Variants in TMEM47 observed in about 807,000 individuals in gnomAD.
TMEM47 encodes brain cell membrane protein 1.
TMEM47 carries 3 observed loss-of-function variants against 12.4 expected under a neutral mutation model. That is an observed-to-expected ratio of 0.24 (90% CI 0.11 to 0.63). TMEM47 has a LOEUF of 0.63. Ranked by LOEUF, TMEM47 falls within the 20% of genes least tolerant of loss-of-function variation. The pLI is 0.86. For synonymous variants in TMEM47, 62 were observed against 63.3 expected, an observed-to-expected ratio of 0.98 and a Z score of 0.10; for missense variants, 89 against 143.8, an observed-to-expected ratio of 0.62 and a Z score of 1.95.
At chrX:34,645,981 GC>G (rs1921904132) in intron 1 of TMEM47, among the ~76,000 whole-genome samples, 1 of 111,103 alleles carries the variant, frequency 9.0e-6, no homozygotes, top group African/African-American at 3.3e-5. Flanking sequence ...GATAAAGACT[GC>G]CTCCAAAGTA....
At chrX:34,650,837 G>T (rs939977313) in intron 1 of TMEM47, among the ~76,000 whole-genome samples, 3 of 111,750 alleles carry the variant, frequency 2.7e-5, no homozygotes, top group African/African-American at 9.8e-5. Context: ...AGGTTCTCGA[G>T]TTCATTCCAT....
At chrX:34,639,507 T>A (rs1042023204) in intron 1 of TMEM47, 120 bp from the exon 2 acceptor site, 11 of 714,644 alleles carry the variant, frequency 1.5e-5, no homozygotes, top group Non-Finnish European at 2.2e-5. Context: ...ATGCTAAGCA[T>A]CCTTTGGGGT....
chrX:34,636,809 T>TA (rs1327865342), intron 2 of TMEM47, among the ~76,000 whole-genome samples: 1 of 111,475 alleles, frequency 9.0e-6, no homozygotes, highest in Non-Finnish European at 1.9e-5. Flanking sequence ...TAACTGGAGT[T>TA]ACAGGACGGA....
At chrX:34,640,409 T>A (rs1921795293) in intron 1 of TMEM47, among the ~76,000 whole-genome samples, 2 of 112,125 alleles carry the variant, frequency 1.8e-5, no homozygotes, top group African/African-American at 6.5e-5. Flanking sequence ...AATAGTATGA[T>A]GAAAAACTGG....
chrX:34,631,140 C>T (rs1334718150), intron 2 of TMEM47, among the ~76,000 whole-genome samples: 2 of 86,744 alleles, frequency 2.3e-5, no homozygotes, highest in Admixed American at 1.4e-4. Context: ...CACTGCACTC[C>T]AGCCTGGGCG....
intron 2 of TMEM47, among the ~76,000 whole-genome samples, chrX:34,630,819 C>G (rs1921603017): frequency 9.1e-6 from 1 of 109,706 alleles, no homozygotes; most frequent in Non-Finnish European, 1.9e-5. Context: ...ATTATTATGG[C>G]AAGTAGTACT....
intron 2 of TMEM47, among the ~76,000 whole-genome samples, chrX:34,630,795 ATATAAT>A (rs1206072975): frequency 3.6e-5 from 4 of 110,675 alleles, no homozygotes; most frequent in Non-Finnish European, 5.7e-5. Flanking sequence ...CACCTTAAAA[ATATAAT>A]TATCATTATT....
intron 1 of TMEM47, among the ~76,000 whole-genome samples, chrX:34,648,106 A>C (rs1921946604): frequency 8.9e-6 from 1 of 112,330 alleles, no homozygotes. Context: ...CAATAGCATT[A>C]ACATGGCCAT....
At chrX:34,654,531 AT>A (rs1331661900) in intron 1 of TMEM47, among the ~76,000 whole-genome samples, 21 of 112,022 alleles carry the variant, frequency 1.9e-4, no homozygotes, top group South Asian at 1.5e-3. Flanking sequence ...TGATTCGGGC[AT>A]TCCCCTTCCT....
chrX:34,651,548 T>C (rs898192436), intron 1 of TMEM47, among the ~76,000 whole-genome samples: 1 of 112,347 alleles, frequency 8.9e-6, no homozygotes, highest in Non-Finnish European at 1.9e-5. Context: ...ACAGAATTCA[T>C]GAGTATAATA....
chrX:34,636,496 A>C (rs1369503337), intron 2 of TMEM47, among the ~76,000 whole-genome samples: 1 of 112,163 alleles, frequency 8.9e-6, no homozygotes, highest in Non-Finnish European at 1.9e-5. Flanking sequence ...TTCCTGTGGG[A>C]CATACAAATG....
At chrX:34,636,984 T>G (rs1462646561) in intron 2 of TMEM47, among the ~76,000 whole-genome samples, 1 of 111,972 alleles carries the variant, frequency 8.9e-6, no homozygotes, top group African/African-American at 3.2e-5. Context: ...ATGTACAACT[T>G]ACTAGTTAAA....
rs957345062 is a variant in TMEM47 at position 34,628,446 on chromosome X, G to A, written c.*1867C>T. ...GTTTCTGTCTGTGATGTATTTATTC[G>A]CTTTTGTCTATCATTGCTAAAGTAA... On this transcript the variant is annotated 3_prime_UTR_variant, in exon 3 of 3. Coordinates refer to ENST00000275954, the MANE Select transcript of TMEM47 (RefSeq NM_031442.4). 1 of 110,922 alleles carries A rather than the reference G, an allele frequency of 9.0e-6. No individual in the cohort carries two copies. The highest frequency in any genetic ancestry group is 3.3e-5 in the African/African-American group (1 of 30,505). The allele number at this position is 110,922 out of a possible 1,213,427, so 9.1% of individuals were successfully genotyped here.
In TMEM47 at chrX:34,630,362, C is replaced by A; in HGVS notation, c.497G>T (p.Gly166Val). The A allele has an allele frequency of 8.3e-7, 1 of 1,209,868 alleles. No individual in the cohort carries two copies. The highest frequency in any genetic ancestry group is 1.1e-6 in the Non-Finnish European group (1 of 894,596). The stretch of plus-strand genomic sequence containing the variant: ...AGGGTTCAGGCAATAAAGGATGGCA[C>A]CCCCAAACGAAAATATAGTTGCACC... ...AWGATIFSFG[G>V]AILYCLNPKN... Residue 166 changes from glycine to valine, a missense_variant, in exon 3 of 3, where the codon GGT (glycine) becomes GTT (valine). Gly to Val is a moderately radical substitution (Grantham distance 109). Transcript: ENST00000275954.
chrX:34,649,030 A>AAATT (rs754628059), intron 1 of TMEM47, among the ~76,000 whole-genome samples: 4 of 112,168 alleles, frequency 3.6e-5, no homozygotes, highest in Non-Finnish European at 7.5e-5. Context: ...GGCTTCTATT[A>AAATT]AAAAGTCAAA....
chrX:34,631,899 C>T (rs1215568484), intron 2 of TMEM47, among the ~76,000 whole-genome samples: 2 of 111,484 alleles, frequency 1.8e-5, no homozygotes, highest in Non-Finnish European at 3.8e-5. Flanking sequence ...CATTCTCTAC[C>T]ATAGGACAGC....
chrX:34,656,952 G>A lies in TMEM47; in HGVS notation c.78C>T (p.Cys26=), dbSNP rs147370209. The A allele has an allele frequency of 1.6e-4, 189 of 1,186,712 alleles. No homozygotes were observed. The African/African-American group carries it at 2.8e-3, about 18-fold the overall frequency. The change falls in exon 1 of 3, where the codon TGC becomes TGT. Residue 26 remains cysteine (C), a synonymous_variant. Coordinates refer to ENST00000275954, the MANE Select transcript of TMEM47 (RefSeq NM_031442.4). ...GGTCCAGACACAGCGCCAGGAAGATGCACACCAGCCCGACCAGCTTCAAGG... is the reference window on the plus strand; with the variant it reads ...GGTCCAGACACAGCGCCAGGAAGATACACACCAGCCCGACCAGCTTCAAGG... The part of the protein sequence containing the change: ...LTPLKLVGLV[C]IFLALCLDLG...
At chrX:34,652,343 T>C (rs1461305442) in intron 1 of TMEM47, among the ~76,000 whole-genome samples, 1 of 112,402 alleles carries the variant, frequency 8.9e-6, no homozygotes, top group East Asian at 2.8e-4. Context: ...CACTAGCATG[T>C]CTAGTAGCAC....
intron 1 of TMEM47, among the ~76,000 whole-genome samples, chrX:34,654,697 G>T (rs1922074029): frequency 8.9e-6 from 1 of 111,817 alleles, no homozygotes; most frequent in African/African-American, 3.3e-5. Flanking sequence ...AAAATGAACT[G>T]CTATTATATA....
Sources: allele counts gnomAD v4.1 joint callset (sites outside exome capture counted in the v4.1 genomes callset), GRCh38; gene constraint gnomAD v4.1.1; transcripts MANE v1.5; gene names NCBI Gene and HGNC (gene_info 2026-07-23, HGNC 2026-07-21).